SPTBN5: variants seen among roughly 807,000 people sequenced by gnomAD.
SPTBN5 encodes spectrin beta, non-erythrocytic 5.
In SPTBN5, 513 loss-of-function variants were observed where a neutral mutation model predicts 477.6. The observed-to-expected ratio is 1.07, with a 90% CI of 1.00 to 1.16. SPTBN5 has a LOEUF of 1.16. Ranked by LOEUF, SPTBN5 falls within the 50% of genes most tolerant of loss-of-function variation. The pLI is 0.00. For missense variants in SPTBN5, 5,062 were observed against 4,731.8 expected (o/e 1.07, Z -2.05); for synonymous variants, 2,169 against 2,011.7 (o/e 1.08, Z -2.09).
intron 46 of SPTBN5, 37 bp from the exon 47 acceptor site, chr15:41,860,795 C>T: frequency 6.9e-7 from 1 of 1,448,976 alleles, no homozygotes; most frequent in South Asian, 1.5e-5. Flanking sequence ...GTCCATGAGC[C>T]TCCCCCTCCC....
At chr15:41,875,080 A>C (rs1438673635) in intron 22 of SPTBN5, 24 bp from the exon 23 acceptor site, 1 of 1,591,176 alleles carries the variant, frequency 6.3e-7, no homozygotes, top group East Asian at 2.3e-5. Context: ...ATGGAGCTGC[A>C]TTAGGTTCTC....
Position 41,885,912 on chromosome 15 carries a change from A to T in SPTBN5, c.1343T>A (p.Val448Glu). The T allele has an allele frequency of 6.3e-7, 1 of 1,584,448 alleles. No homozygotes were observed. The highest frequency in any genetic ancestry group is 8.6e-7 in the Non-Finnish European group (1 of 1,165,530). ...TGGCGGGGCTCTGGCCTGGTCTAGC[A>T]CCTGCTCTGCATCCTTAAGGAAACT... The part of the protein sequence containing the change: ...RESFLKDAEQ[V>E]LDQARAPPAS... Residue 448 changes from valine to glutamate, a missense_variant, in exon 7 of 68, where the codon GTG becomes GAG. Transcript: ENST00000320955.
At position 41,862,915 on chromosome 15, in the gene SPTBN5, G is replaced by A; in HGVS notation, c.7150-12C>T. 1 of 1,561,000 alleles carries A rather than the reference G, an allele frequency of 6.4e-7. No individual in the cohort carries two copies. Among genetic ancestry groups the A allele is most frequent in the South Asian group, 1.2e-5 (1 of 84,542 alleles). On this transcript the variant is annotated splice_polypyrimidine_tract_variant and intron_variant, in intron 41 of 67. Transcript: ENST00000320955. The stretch of plus-strand genomic sequence containing the variant: ...TGGATCAGGGCTTCCTGGAGGAGGG[G>A]CACGGCCAGTTACCTGCTGGGCCTT...
chr15:41,878,665 G>A (rs1483098892), intron 16 of SPTBN5, 36 bp from the exon 17 acceptor site: 2 of 1,581,384 alleles, frequency 1.3e-6, no homozygotes, highest in African/African-American at 1.3e-5. Flanking sequence ...TCAGTGCCCT[G>A]TCCTGGGCCT....
In SPTBN5 at chr15:41,885,787, C is replaced by T. The variant is rs201349076; in HGVS notation, c.1468G>A (p.Ala490Thr). The T allele has an allele frequency of 3.5e-5, 55 of 1,557,822 alleles. No homozygotes were observed. The highest frequency in any genetic ancestry group is 2.4e-4 in the East Asian group (10 of 41,436). Residue 490 changes from alanine (A) to threonine (T), a missense_variant, in exon 7 of 68, where the codon GCA becomes ACA. By Grantham distance (58) the Ala-to-Thr change is moderately conservative. Coordinates refer to ENST00000320955, the MANE Select transcript of SPTBN5 (RefSeq NM_016642.4). Reference sequence around the variant, plus strand: ...TACTGCTCCTGCCGGAGGATGTCTGCGATCTCAGCCAGGGCCTGGAAGCGC... The same window carrying T: ...TACTGCTCCTGCCGGAGGATGTCTGTGATCTCAGCCAGGGCCTGGAAGCGC... ...EGRFQALAEIADILRQEQYHS... is the reference protein window; with the variant it reads ...EGRFQALAEITDILRQEQYHS...
At chr15:41,893,213 C>T (rs1005562784) in intron 2 of SPTBN5, 69 bp downstream of exon 2, 116 of 1,602,788 alleles carry the variant, frequency 7.2e-5, no homozygotes, top group Non-Finnish European at 9.5e-5. Context: ...CAGCTCACCC[C>T]GGAGGCCCAC....
At chr15:41,878,055 C>T (rs953596715) in intron 17 of SPTBN5, among the ~76,000 whole-genome samples, 5 of 152,190 alleles carry the variant, frequency 3.3e-5, no homozygotes, top group Admixed American at 2.0e-4. Context: ...GAAAGCAATG[C>T]ATCGGGCCCA....
chr15:41,892,824 G>T, intron 3 of SPTBN5, 70 bp downstream of exon 3: 11 of 1,490,018 alleles, frequency 7.4e-6, no homozygotes, highest in South Asian at 1.3e-5. Context: ...CAGGAAAGGT[G>T]ACCCAGTAGT....
intron 23 of SPTBN5, 109 bp from the exon 24 acceptor site, chr15:41,874,587 G>T (rs2066658743): frequency 2.0e-6 from 2 of 1,013,342 alleles, no homozygotes; most frequent in Admixed American, 2.9e-5. Flanking sequence ...CCAGGGAATA[G>T]AGCAAAGCCT....
intron 17 of SPTBN5, among the ~76,000 whole-genome samples, chr15:41,877,733 A>C (rs1037952414): frequency 2.6e-5 from 4 of 152,210 alleles, no homozygotes; most frequent in Admixed American, 2.0e-4. Flanking sequence ...CCTTGTGTGA[A>C]TTAGAGCAAG....
Position 41,867,115 on chromosome 15 carries a change from C to T in SPTBN5, c.6324G>A (p.Leu2108=), listed in dbSNP as rs1202399750. ...LTAQDKKEAA[L]RERLKTLRRP... is the part of the protein sequence containing the mutation. Reference sequence around the variant, plus strand: ...GCCGGAGCGTCTTCAGCCGCTCACGCAGGGCTGCCTCCTGTGGGGCAGGGG... The same window carrying T: ...GCCGGAGCGTCTTCAGCCGCTCACGTAGGGCTGCCTCCTGTGGGGCAGGGG... The change falls in exon 36 of 68, where the codon CTG becomes CTA. Residue 2108 remains leucine, a synonymous_variant. Transcript: ENST00000320955. 1 of 1,535,632 alleles carries T rather than the reference C, an allele frequency of 6.5e-7. No homozygotes were observed. The highest frequency in any genetic ancestry group is 2.0e-5 in the Admixed American group (1 of 50,716).
At chr15:41,864,102 G>C in intron 39 of SPTBN5, 78 bp from the exon 40 acceptor site, 1 of 1,273,500 alleles carries the variant, frequency 7.9e-7, no homozygotes, top group African/African-American at 1.5e-5. Context: ...GGCACTGAAA[G>C]CATGCCTGGG....
intron 18 of SPTBN5, 49 bp from the exon 19 acceptor site, chr15:41,876,997 A>T (rs1043376999): frequency 6.4e-7 from 1 of 1,572,506 alleles, no homozygotes; most frequent in Admixed American, 1.9e-5. Flanking sequence ...GGGGGTCAGG[A>T]CCATCTCACC....
intron 6 of SPTBN5, 88 bp from the exon 7 acceptor site, chr15:41,886,454 GGCTGTA>G: frequency 7.1e-7 from 1 of 1,413,118 alleles, no homozygotes; most frequent in Non-Finnish European, 9.4e-7. Flanking sequence ...TCCCCAGGTG[GGCTGTA>G]GCTACTTCTC....
Position 41,861,933 on chromosome 15 carries a change from G to A in SPTBN5, c.7549-10C>T, listed in dbSNP as rs988345287. ...AGGAGTCCAGCTCGGCCTGGAACAGGACTGGGCTCAGATCACTGGGGGCTG... is the reference window on the plus strand; with the variant it reads ...AGGAGTCCAGCTCGGCCTGGAACAGAACTGGGCTCAGATCACTGGGGGCTG... On this transcript the variant is annotated splice_polypyrimidine_tract_variant and intron_variant, in intron 44 of 67. Coordinates refer to ENST00000320955, the MANE Select transcript of SPTBN5 (RefSeq NM_016642.4). 6 of 1,594,994 alleles carry A rather than the reference G, an allele frequency of 3.8e-6. No individual in the cohort carries two copies. Among genetic ancestry groups the A allele is most frequent in the Non-Finnish European group, 4.3e-6 (5 of 1,175,090 alleles).
At chr15:41,875,415 G>A in intron 22 of SPTBN5, 43 bp downstream of exon 22, 1 of 1,589,398 alleles carries the variant, frequency 6.3e-7, no homozygotes, top group African/African-American at 1.3e-5. Context: ...GCCCAGCCAG[G>A]CCTCCGTCTC....
chr15:41,858,289 C>A (rs980269625), intron 49 of SPTBN5, among the ~76,000 whole-genome samples: 19 of 152,330 alleles, frequency 1.2e-4, no homozygotes, highest in Middle Eastern at 3.4e-3. Flanking sequence ...CAGAGCAAGA[C>A]CCTGTCTCAA....
Position 41,848,567 on chromosome 15 carries a change from T to C in SPTBN5, c.*49A>G. ...CTGAGTCTTATTCTGGTCCCTTAGATGTGTCCTCGCTTGTGCCCCTGAAGT... is the reference window on the plus strand; with the variant it reads ...CTGAGTCTTATTCTGGTCCCTTAGACGTGTCCTCGCTTGTGCCCCTGAAGT... On this transcript the variant is annotated 3_prime_UTR_variant, in exon 68 of 68. Coordinates refer to ENST00000320955, the MANE Select transcript of SPTBN5 (RefSeq NM_016642.4). The C allele has an allele frequency of 6.2e-7, 1 of 1,612,164 alleles. No homozygotes were observed. The highest frequency in any genetic ancestry group is 8.5e-7 in the Non-Finnish European group (1 of 1,178,240).
chr15:41,872,779 T>G (rs1055760200), intron 26 of SPTBN5, among the ~76,000 whole-genome samples: 6 of 152,102 alleles, frequency 3.9e-5, no homozygotes, highest in Non-Finnish European at 5.9e-5. Flanking sequence ...CCAACATCCA[T>G]GTGTAAGAGA....
Sources: allele counts gnomAD v4.1 joint callset (sites outside exome capture counted in the v4.1 genomes callset), GRCh38; gene constraint gnomAD v4.1.1; transcripts MANE v1.5; gene names NCBI Gene and HGNC (gene_info 2026-07-23, HGNC 2026-07-21).